The following UBN2 variants were observed in gnomAD, a reference collection of about 807,000 sequenced individuals.
The protein encoded by UBN2 is ubinuclein-2.
In UBN2, 35 loss-of-function variants were observed where a neutral mutation model predicts 120.2. The observed-to-expected ratio is 0.29, with a 90% CI of 0.22 to 0.39. UBN2 has a LOEUF of 0.39. Among genes scored for constraint, UBN2 ranks in the 10% least tolerant of loss-of-function variants. The pLI is 1.00. For synonymous variants in UBN2, 661 were observed against 648.7 expected (o/e 1.02, Z -0.29); for missense variants, 1,693 against 1,663.2 (o/e 1.02, Z -0.31).
chr7:139,280,652 GT>G (rs1422294402), intron 13 of UBN2, among the ~76,000 whole-genome samples: 1 of 151,866 alleles, frequency 6.6e-6, no homozygotes, highest in Non-Finnish European at 1.5e-5. Flanking sequence ...TCTTTTTCTT[GT>G]TTTTCTTTTG....
intron 2 of UBN2, among the ~76,000 whole-genome samples, chr7:139,243,301 T>C (rs1796372757): frequency 6.6e-6 from 1 of 152,198 alleles, no homozygotes; most frequent in Non-Finnish European, 1.5e-5. Context: ...GGTTTTTTTT[T>C]GTTCTTGTTG....
intron 15 of UBN2, among the ~76,000 whole-genome samples, chr7:139,286,472 T>A (rs1797791761): frequency 6.6e-6 from 1 of 152,222 alleles, no homozygotes; most frequent in Non-Finnish European, 1.5e-5. Context: ...TGTTAATGAT[T>A]TAGTTTCTTT....
rs142378700 is a variant in UBN2 at position 139,272,494 on chromosome 7, T to TTATGTATGTATGTATGTATG, written c.1715+82_1715+101dup. 271 of 1,105,088 alleles carry TTATGTATGTATGTATGTATG rather than the reference T, an allele frequency of 2.5e-4. 1 individual carries two copies. The highest frequency in any genetic ancestry group is 1.9e-3 in the African/African-American group (106 of 54,648). The allele number at this position is 1,105,088 out of a possible 1,614,324, so 68.5% of individuals were successfully genotyped here. A position where few individuals can be genotyped will look rare whatever the true frequency, so the allele number is the denominator to read the frequency against. ...TTTGCATTTGAGAAGTGTATGTACG[T>TTATGTATGTATGTATGTATG]TATGTATGTATGTATGTATGTATGT... On this transcript the variant is annotated intron_variant, in intron 9 of 17. Coordinates refer to ENST00000473989, the MANE Select transcript of UBN2 (RefSeq NM_173569.4).
At chr7:139,266,264 C>G in intron 6 of UBN2, 69 bp from the exon 7 acceptor site, 1 of 893,438 alleles carries the variant, frequency 1.1e-6, no homozygotes, top group African/African-American at 1.8e-5. Context: ...CCTTTGAACA[C>G]GTGTCCTAAG....
At chr7:139,248,319 G>C (rs534729868) in intron 2 of UBN2, among the ~76,000 whole-genome samples, 4 of 152,162 alleles carry the variant, frequency 2.6e-5, no homozygotes, top group Admixed American at 2.6e-4. Context: ...AAATGTAAGA[G>C]TATTGCAAAG....
At chr7:139,272,300 T>G in intron 8 of UBN2, 22 bp from the exon 9 acceptor site, 1 of 1,570,068 alleles carries the variant, frequency 6.4e-7, no homozygotes, top group Non-Finnish European at 8.7e-7. Context: ...GATAAAAACT[T>G]CTAGTATGTT....
chr7:139,261,598 G>T lies in UBN2; in HGVS notation c.1252G>T (p.Gly418Cys), dbSNP rs200979638. The T allele has an allele frequency of 1.9e-6, 3 of 1,614,078 alleles. No homozygotes were observed. The Admixed American group carries it at 5.0e-5, about 27-fold the overall frequency. ...CAGATTACTGGATGCTGCTTCTGATGGTAGCCCCCTATCTGAGTCGGGGGG... is the reference window on the plus strand; with the variant it reads ...CAGATTACTGGATGCTGCTTCTGATTGTAGCCCCCTATCTGAGTCGGGGGG... ...FDRLLDAASD[G>C]SPLSESGGEN... Residue 418 changes from glycine (G) to cysteine (C), a missense_variant, in exon 6 of 18, where the codon GGT (glycine) becomes TGT (cysteine). Gly to Cys is a radical substitution (Grantham distance 159, BLOSUM62 -3). Around this residue, in one of 5 missense-constraint regions of UBN2, gnomAD observed 663 missense variants for 591.2 expected, o/e 1.12. Coordinates refer to ENST00000473989, the MANE Select transcript of UBN2 (RefSeq NM_173569.4).
intron 8 of UBN2, among the ~76,000 whole-genome samples, chr7:139,270,216 A>G (rs999563191): frequency 2.0e-5 from 3 of 151,588 alleles, no homozygotes; most frequent in Non-Finnish European, 2.9e-5. Flanking sequence ...GCAGCTTGTA[A>G]TGCTCAATAT....
At chr7:139,309,026 C>A (rs557582797), downstream of UBN2, among the ~76,000 whole-genome samples, 2 of 152,306 alleles carry the variant, frequency 1.3e-5, no homozygotes, top group Non-Finnish European at 2.9e-5. Flanking sequence ...GAGATTGCAC[C>A]ACTGCACTCC....
At chr7:139,250,010 C>T (rs1424667332) in intron 2 of UBN2, among the ~76,000 whole-genome samples, 2 of 152,072 alleles carry the variant, frequency 1.3e-5, no homozygotes, top group African/African-American at 2.4e-5. Flanking sequence ...CTTCTCTTCT[C>T]TTTCTAAGCA....
intron 6 of UBN2, among the ~76,000 whole-genome samples, chr7:139,262,782 C>T (rs1796977697): frequency 6.6e-6 from 1 of 150,894 alleles, no homozygotes; most frequent in Non-Finnish European, 1.5e-5. Flanking sequence ...AGAGTTGGTT[C>T]TTTTATTATT....
chr7:139,270,335 C>T (rs1797234213), intron 8 of UBN2, among the ~76,000 whole-genome samples: 1 of 147,798 alleles, frequency 6.8e-6, no homozygotes, highest in Non-Finnish European at 1.5e-5. Context: ...GTGGCGCGAT[C>T]TCAGCTCACT....
chr7:139,312,191 C>A (rs1798456968), downstream of UBN2, among the ~76,000 whole-genome samples: 1 of 152,218 alleles, frequency 6.6e-6, no homozygotes, highest in East Asian at 1.9e-4. Context: ...CTCTGTCCCA[C>A]AGGCACCACT....
chr7:139,261,233 A>G lies in UBN2; in HGVS notation c.906-19A>G. 6.3e-7 allele frequency: 1 copy of G among 1,580,606 alleles called. No homozygotes were observed. The highest frequency in any genetic ancestry group is 8.6e-7 in the Non-Finnish European group (1 of 1,167,348). On this transcript the variant is annotated intron_variant, in intron 5 of 17. Coordinates refer to ENST00000473989, the MANE Select transcript of UBN2 (RefSeq NM_173569.4). Reference sequence around the variant, plus strand: ...TTTAAAATCACACATAGCCTAACTGATCATTTTTGTCTTCACAGAGTTGTG... The same window carrying G: ...TTTAAAATCACACATAGCCTAACTGGTCATTTTTGTCTTCACAGAGTTGTG...
the UBN2 span, among the ~76,000 whole-genome samples, chr7:139,323,601 A>T: frequency 6.3e-5 from 8 of 127,214 alleles, no homozygotes; most frequent in East Asian, 2.3e-4. Flanking sequence ...TATTATTATT[A>T]TTTTTGAGAC....
chr7:139,322,029 A>G, the UBN2 span, among the ~76,000 whole-genome samples: 2 of 152,140 alleles, frequency 1.3e-5, no homozygotes, highest in African/African-American at 4.8e-5. Context: ...GCTGGAGTGC[A>G]GTGGCACAAT....
intron 8 of UBN2, 144 bp downstream of exon 8, chr7:139,269,667 TG>T (rs2131002433): frequency 1.2e-6 from 1 of 860,564 alleles, no homozygotes; most frequent in East Asian, 2.8e-5. Flanking sequence ...AAAAGTATGT[TG>T]GATCCCCTGA....
At position 139,306,910 on chromosome 7, in the gene UBN2, A is replaced by G. The variant is rs948989147; in HGVS notation, c.*9074A>G. ...ATTACAAGCAAGAAAGTTCATTTGC[A>G]GTTGTAAAAATGATTACCGAACTCC... On this transcript the variant is annotated 3_prime_UTR_variant, in exon 18 of 18. Transcript: ENST00000473989. The G allele has an allele frequency of 6.6e-6, 1 of 152,242 alleles. No individual in the cohort carries two copies. 9.4% of individuals were successfully genotyped at this position (152,242 alleles called of 1,614,324 possible). A position where few individuals can be genotyped will look rare whatever the true frequency, so the allele number is the denominator to read the frequency against.
rs541034152 is a variant in UBN2 at position 139,283,880 on chromosome 7, G to T, written c.2975G>T (p.Gly992Val). Residue 992 changes from glycine (G) to valine (V), a missense_variant, in exon 15 of 18, where the codon GGT (glycine) becomes GTT (valine). Physicochemically the swap from Gly to Val is moderately radical, Grantham distance 109 (BLOSUM62 -3). Coordinates refer to ENST00000473989, the MANE Select transcript of UBN2 (RefSeq NM_173569.4). Reference sequence around the variant, plus strand: ...TTATCTACCCCCTCACCTGGAAATGGTTCTCAAGGGTCCCACCCCCTGGTT... The same window carrying T: ...TTATCTACCCCCTCACCTGGAAATGTTTCTCAAGGGTCCCACCCCCTGGTT... ...LPLSTPSPGN[G>V]SQGSHPLVSR... 7 of 1,614,020 alleles carry T rather than the reference G, an allele frequency of 4.3e-6. No homozygotes were observed. The Admixed American group carries it at 1.2e-4, about 27-fold the overall frequency.
Sources: allele counts gnomAD v4.1 joint callset (sites outside exome capture counted in the v4.1 genomes callset), GRCh38; gene constraint gnomAD v4.1.1; regional missense constraint gnomAD v4.1.1; transcripts MANE v1.5; gene names NCBI Gene and HGNC (gene_info 2026-07-23, HGNC 2026-07-21).